Variants in DNAH1 observed in about 807,000 individuals in gnomAD.
DNAH1 encodes dynein axonemal heavy chain 1, also known as axonemal beta dynein heavy chain 1.
Under a neutral mutation model 484.3 loss-of-function variants are expected in DNAH1, and 327 were observed. The observed-to-expected ratio is 0.68, with a 90% CI of 0.62 to 0.74. The LOEUF is 0.74. DNAH1 is among the 30% of genes least tolerant of loss of function. The pLI is 0.00. For synonymous variants in DNAH1, 2,192 were observed against 2,191.9 expected, an observed-to-expected ratio of 1.00 and a Z score of 0.00; for missense variants, 5,052 against 5,546.8, an observed-to-expected ratio of 0.91 and a Z score of 2.83.
chr3:52,347,965 G>A lies in DNAH1; in HGVS notation c.2097G>A (p.Gln699=). The change falls in exon 12 of 78, where the codon CAG becomes CAA. Residue 699 remains glutamine, a synonymous_variant. Transcript: ENST00000420323. ...TCCTGGCCACCCATGCCGTGCCCCA[G>A]CTGGAGAAGGTACGTGCTGCAGCCT... ...KGILATHAVP[Q]LEKLVMEDIF... is the part of the protein sequence containing the mutation. The A allele has an allele frequency of 2.5e-6, 4 of 1,608,768 alleles. No individual in the cohort carries two copies. Among genetic ancestry groups the A allele is most frequent in the Non-Finnish European group, 3.4e-6 (4 of 1,177,602 alleles).
At chr3:52,391,110 G>A in intron 61 of DNAH1, 56 bp downstream of exon 61, 6 of 1,605,514 alleles carry the variant, frequency 3.7e-6, no homozygotes, top group South Asian at 2.2e-5. Context: ...AGCAAGGGCA[G>A]TGGTGAGCCG....
At position 52,348,818 on chromosome 3, in the gene DNAH1, C is replaced by T; in HGVS notation, c.2107-70C>T. On this transcript the variant is annotated intron_variant, in intron 12 of 77. Transcript: ENST00000420323. ...TTGCCCTGCTCCTCGGGAGGACTCC[C>T]CATCTCCCCTCTGCTCATTCACCCC... 3.2e-6 allele frequency: 5 copies of T among 1,541,592 alleles called. 1 individual carries two copies. In the South Asian group the frequency reaches 6.0e-5, roughly 18 times the overall value.
intron 17 of DNAH1, 104 bp downstream of exon 17, chr3:52,352,207 C>A: frequency 1.4e-6 from 2 of 1,451,180 alleles, no homozygotes; most frequent in Non-Finnish European, 1.9e-6. Flanking sequence ...GGTGCTGAGT[C>A]AACATGTGAT....
chr3:52,394,719 A>G, intron 67 of DNAH1, 58 bp downstream of exon 67: 1 of 1,526,376 alleles, frequency 6.6e-7, no homozygotes, highest in Non-Finnish European at 8.8e-7. Context: ...AGTCCCTAGG[A>G]AAGGCTTGTC....
chr3:52,392,781 C>T (rs1444569198), intron 64 of DNAH1, 49 bp from the exon 65 acceptor site: 7 of 1,524,048 alleles, frequency 4.6e-6, no homozygotes, highest in Non-Finnish European at 6.3e-6. Flanking sequence ...CCCCCCAAAC[C>T]CCCTACCTTC....
chr3:52,348,951 C>T lies in DNAH1; in HGVS notation c.2170C>T (p.Pro724Ser), dbSNP rs762121402. The T allele has an allele frequency of 1.2e-6, 2 of 1,613,498 alleles. No homozygotes were observed. The highest frequency in any genetic ancestry group is 1.7e-6 in the Non-Finnish European group (2 of 1,179,892). The change falls in exon 13 of 78, where the codon CCA (proline) becomes TCA (serine). Residue 724 changes from proline (P) to serine (S), a missense_variant. This residue lies in a region of DNAH1 where 1,263 missense variants were observed against 1,218.8 expected (regional missense o/e 1.04). Coordinates refer to ENST00000420323, the MANE Select transcript of DNAH1 (RefSeq NM_015512.5). ...GCTGGAGTCCGTGGGCCTTCATGAG[C>T]CACTGGTGGAAGAGCTACGGGCCAC... ...PLLESVGLHE[P>S]LVEELRATIA...
At position 52,326,255 on chromosome 3, in the gene DNAH1, G is replaced by A. The variant is rs770867309; in HGVS notation, c.522G>A (p.Lys174=). The A allele has an allele frequency of 1.2e-6, 2 of 1,612,854 alleles. No individual in the cohort carries two copies. Among genetic ancestry groups the A allele is most frequent in the South Asian group, 1.1e-5 (1 of 91,002 alleles). ...TDFPLQAYEP[K]MQVPFQVLPG... is the part of the protein sequence containing the mutation. ...TCCCACTGCAGGCCTACGAGCCCAA[G>A]ATGCAGGTGCCTTTCCAGGTGCTGC... Residue 174 remains lysine, a synonymous_variant, in exon 4 of 78, where the codon AAG becomes AAA. Transcript: ENST00000420323.
In DNAH1 at chr3:52,350,502, G is replaced by A. The variant is rs771711363; in HGVS notation, c.2647-6G>A. 2.5e-6 allele frequency: 4 copies of A among 1,613,688 alleles called. No individual in the cohort carries two copies. The highest frequency in any genetic ancestry group is 2.2e-5 in the South Asian group (2 of 91,008). On this transcript the variant is annotated splice_region_variant and splice_polypyrimidine_tract_variant and intron_variant, in intron 15 of 77. Coordinates refer to ENST00000420323, the MANE Select transcript of DNAH1 (RefSeq NM_015512.5). ...GTGAAGTTCTCATTACCACCTGTCT[G>A]TGCAGGAGCGGATTGTGAAGGTCAT...
chr3:52,341,409 A>C (rs889338012), intron 8 of DNAH1, among the ~76,000 whole-genome samples: 3 of 152,170 alleles, frequency 2.0e-5, no homozygotes, highest in Non-Finnish European at 4.4e-5. Flanking sequence ...TAGAAGAAGC[A>C]GCTGGTAAAA....
chr3:52,396,922 T>C lies in DNAH1; in HGVS notation c.11665T>C (p.Trp3889Arg). Residue 3889 changes from tryptophan (W) to arginine (R), a missense_variant, in exon 73 of 78, where the codon TGG (tryptophan) becomes CGG (arginine). Around this residue, in one of 4 missense-constraint regions of DNAH1, gnomAD observed 853 missense variants for 899.0 expected, o/e 0.95. Coordinates refer to ENST00000420323, the MANE Select transcript of DNAH1 (RefSeq NM_015512.5). ...TTACGGGGGCCGTGTCACTGATGAC[T>C]GGGACCGGCGCTGCATCATGAACAT... Reference protein sequence around the residue: ...INYGGRVTDDWDRRCIMNILE... With the variant: ...INYGGRVTDDRDRRCIMNILE... 3 of 1,606,154 alleles carry C rather than the reference T, an allele frequency of 1.9e-6. No homozygotes were observed. Among genetic ancestry groups the C allele is most frequent in the South Asian group, 1.1e-5 (1 of 90,824 alleles).
At chr3:52,378,242 T>C (rs943661049) in intron 46 of DNAH1, among the ~76,000 whole-genome samples, 1 of 151,622 alleles carries the variant, frequency 6.6e-6, no homozygotes, top group Non-Finnish European at 1.5e-5. Flanking sequence ...CATGAGACCC[T>C]CCCCAAGTGT....
chr3:52,369,135 G>T (rs141718285), intron 37 of DNAH1, among the ~76,000 whole-genome samples: 3 of 152,224 alleles, frequency 2.0e-5, no homozygotes, highest in East Asian at 3.9e-4. Context: ...AGGGTGTCCC[G>T]CACAGTTGCT....
At chr3:52,372,495 TC>T in intron 43 of DNAH1, 108 bp downstream of exon 43, 1 of 1,455,110 alleles carries the variant, frequency 6.9e-7, no homozygotes, top group East Asian at 2.4e-5. Flanking sequence ...GCCAGGAACC[TC>T]CCAGGGGGAG....
chr3:52,392,971 C>T lies in DNAH1; in HGVS notation c.10420C>T (p.Leu3474Phe). 5 of 1,613,774 alleles carry T rather than the reference C, an allele frequency of 3.1e-6. No homozygotes were observed. Among genetic ancestry groups the T allele is most frequent in the Non-Finnish European group, 4.2e-6 (5 of 1,179,838 alleles). Reference protein sequence around the residue: ...ANVDPMYQYSLEWFLNIFLSG... With the variant: ...ANVDPMYQYSFEWFLNIFLSG... ...CGTGGACCCCATGTACCAGTACTCC[C>T]TTGAGTGGTTTCTCAACATCTTCCT... Residue 3474 changes from leucine (L) to phenylalanine (F), a missense_variant, in exon 65 of 78, where the codon CTT becomes TTT. By Grantham distance (22) the Leu-to-Phe change is conservative. This residue lies in a region of DNAH1 where 2,929 missense variants were observed against 3,409.4 expected (regional missense o/e 0.86). Transcript: ENST00000420323.
the DNAH1 span, among the ~76,000 whole-genome samples, chr3:52,310,925 G>A: frequency 6.6e-6 from 1 of 152,148 alleles, no homozygotes; most frequent in Non-Finnish European, 1.5e-5. Flanking sequence ...GGGGCGATGG[G>A]TGGGAACAGG....
Position 52,383,909 on chromosome 3 carries a change from G to T in DNAH1, c.8200G>T (p.Val2734Phe), listed in dbSNP as rs376888480. Residue 2734 changes from valine (V) to phenylalanine (F), a missense_variant, in exon 52 of 78, where the codon GTC becomes TTC. Physicochemically the swap from Val to Phe is conservative, Grantham distance 50. This residue lies in a region of DNAH1 where 2,929 missense variants were observed against 3,409.4 expected (regional missense o/e 0.86). Transcript: ENST00000420323. Reference sequence around the variant, plus strand: ...TCGTCTGAGGCAGTTTCCCTCCCTGGTCAACTGCTGTACCATCGACTGGTT... The same window carrying T: ...TCGTCTGAGGCAGTTTCCCTCCCTGTTCAACTGCTGTACCATCGACTGGTT... ...RARLRQFPSL[V>F]NCCTIDWFNE... 4.2e-5 allele frequency: 68 copies of T among 1,611,604 alleles called. No individual in the cohort carries two copies. In the African/African-American group the frequency reaches 8.8e-4, roughly 21 times the overall value.
At chr3:52,354,404 G>A (rs1300947144) in intron 20 of DNAH1, among the ~76,000 whole-genome samples, 3 of 152,148 alleles carry the variant, frequency 2.0e-5, no homozygotes, top group South Asian at 4.1e-4. Context: ...AGGCCGAGGC[G>A]GGTGGATCAC....
chr3:52,352,432 C>A, intron 17 of DNAH1, 120 bp from the exon 18 acceptor site: 1 of 1,362,732 alleles, frequency 7.3e-7, no homozygotes, highest in Non-Finnish European at 9.8e-7. Context: ...AGGAGAACAA[C>A]CTCCTTAGAA....
In DNAH1 at chr3:52,379,469, G is replaced by A. The variant is rs1703743925; in HGVS notation, c.7378-436G>A. ...GCGGCAGCTGAGATGGAGAGAGGGG[G>A]CAGGTTCAGAGGAGATTGGTGGGTC... On this transcript the variant is annotated intron_variant, in intron 47 of 77. Transcript: ENST00000420323. The surrounding 1 kb of genome is among the most constrained non-coding windows in gnomAD (Gnocchi z 4.4). 6.6e-6 allele frequency among the ~76,000 whole-genome samples: 1 copy of A among 152,172 alleles called. No individual in the cohort carries two copies.
Sources: gnomAD v4.1 joint callset for allele counts (sites outside exome capture counted in the v4.1 genomes callset) on GRCh38, gnomAD v4.1.1 for gene constraint, gnomAD v4.1.1 regional missense constraint, Gnocchi (gnomAD v3.1) non-coding constraint, MANE v1.5 for transcripts, NCBI Gene and HGNC (gene_info 2026-07-23, HGNC 2026-07-21) for gene names.